Variants in RIC1 observed in about 807,000 individuals in gnomAD.
The protein encoded by RIC1 is RIC1 partner of RAB6A GEF complex.
In RIC1, 88 loss-of-function variants were observed where a neutral mutation model predicts 169.0. The observed-to-expected ratio is 0.52, with a 90% CI of 0.44 to 0.62. The LOEUF is 0.62. RIC1 is among the 20% of genes least tolerant of loss of function. RIC1 has a pLI of 0.00. For synonymous variants in RIC1, 790 were observed against 601.5 expected (o/e 1.31, Z -4.59); for missense variants, 1,877 against 1,725.5 (o/e 1.09, Z -1.56).
intron 4 of RIC1, among the ~76,000 whole-genome samples, chr9:5,717,768 C>T (rs1057335046): frequency 8.6e-5 from 13 of 151,096 alleles, no homozygotes; most frequent in Middle Eastern, 3.4e-3. Flanking sequence ...TCCCGGGAGG[C>T]GGAGGTTTCA....
chr9:5,767,447 C>G (rs1826854934), intron 21 of RIC1, among the ~76,000 whole-genome samples: 1 of 150,876 alleles, frequency 6.6e-6, no homozygotes, highest in Non-Finnish European at 1.5e-5. Flanking sequence ...TTTTTCCTTA[C>G]CTAATCCTTT....
intron 6 of RIC1, among the ~76,000 whole-genome samples, chr9:5,725,903 T>G (rs1327712020): frequency 6.6e-6 from 1 of 152,236 alleles, no homozygotes; most frequent in East Asian, 1.9e-4. Flanking sequence ...TCTAGTTTGA[T>G]TGCACTGTGG....
intron 12 of RIC1, among the ~76,000 whole-genome samples, chr9:5,752,329 CAT>C (rs983966089): frequency 2.6e-5 from 4 of 151,942 alleles, no homozygotes; most frequent in Non-Finnish European, 4.4e-5. Flanking sequence ...CTTTCATGTA[CAT>C]ATATATATGT....
chr9:5,675,133 G>T (rs529702937), intron 2 of RIC1, among the ~76,000 whole-genome samples: 90 of 152,296 alleles, frequency 5.9e-4, no homozygotes, highest in African/African-American at 2.0e-3. Context: ...CTGCTGTGTC[G>T]TTCCCCTCTT....
At chr9:5,681,539 T>A (rs1204577835) in intron 2 of RIC1, among the ~76,000 whole-genome samples, 1 of 152,246 alleles carries the variant, frequency 6.6e-6, no homozygotes, top group Non-Finnish European at 1.5e-5. Context: ...CTTTTACATT[T>A]GCTGAGGAGT....
chr9:5,662,630 G>A (rs143971765), intron 2 of RIC1, among the ~76,000 whole-genome samples: 1 of 152,234 alleles, frequency 6.6e-6, no homozygotes, highest in African/African-American at 2.4e-5. Context: ...GTGCATTGAT[G>A]CATTTATAGT....
intron 6 of RIC1, among the ~76,000 whole-genome samples, chr9:5,725,229 T>C (rs1272159942): frequency 6.6e-6 from 1 of 152,226 alleles, no homozygotes; most frequent in Non-Finnish European, 1.5e-5. Flanking sequence ...TTGCCTCAAT[T>C]TCAGAGCCTG....
chr9:5,754,548 A>T (rs531197526), intron 14 of RIC1, among the ~76,000 whole-genome samples: 7 of 152,116 alleles, frequency 4.6e-5, no homozygotes, highest in African/African-American at 1.7e-4. Flanking sequence ...GGCCAACATG[A>T]CGAAACCCCG....
chr9:5,648,629 T>C (rs1016395297), intron 1 of RIC1, among the ~76,000 whole-genome samples: 9 of 152,220 alleles, frequency 5.9e-5, no homozygotes, highest in Non-Finnish European at 1.3e-4. Context: ...TACTAATTTA[T>C]ATTTCCACCA....
At chr9:5,652,596 T>C (rs1195799753) in intron 1 of RIC1, among the ~76,000 whole-genome samples, 1 of 152,214 alleles carries the variant, frequency 6.6e-6, no homozygotes, top group Admixed American at 6.5e-5. Flanking sequence ...TACCACTTTT[T>C]TGGTGGCATC....
chr9:5,656,459 A>G, intron 1 of RIC1, 124 bp from the exon 2 acceptor site: 1 of 509,756 alleles, frequency 2.0e-6, no homozygotes, highest in Non-Finnish European at 3.4e-6. Context: ...ATAGTTTAAT[A>G]TCAATATTGT....
At chr9:5,727,366 G>T (rs573433848) in intron 6 of RIC1, among the ~76,000 whole-genome samples, 1 of 152,104 alleles carries the variant, frequency 6.6e-6, no homozygotes, top group Non-Finnish European at 1.5e-5. Context: ...CATAGTTCTC[G>T]TGCGATGGTT....
chr9:5,696,513 G>A (rs974856083), intron 3 of RIC1, among the ~76,000 whole-genome samples: 4 of 151,796 alleles, frequency 2.6e-5, no homozygotes, highest in African/African-American at 9.7e-5. Flanking sequence ...ATCCGCCCCT[G>A]TACCCAATAA....
At chr9:5,722,346 A>AGTGTGTGTGTGT (rs1343192304) in intron 6 of RIC1, among the ~76,000 whole-genome samples, 10 of 59,212 alleles carry the variant, frequency 1.7e-4, no homozygotes, top group African/African-American at 8.2e-4. Flanking sequence ...TAAGAGAGAG[A>AGTGTGTGTGTGT]GAGTGTGTGT....
At chr9:5,722,197 T>A (rs531219424) in intron 6 of RIC1, among the ~76,000 whole-genome samples, 17 of 151,098 alleles carry the variant, frequency 1.1e-4, no homozygotes, top group African/African-American at 2.7e-4. Context: ...CCATTTCATC[T>A]TCTTCTTCTT....
At position 5,770,257 on chromosome 9, in the gene RIC1, T is replaced by C. The variant is rs751903434; in HGVS notation, c.3595T>C (p.Leu1199=). 5.0e-6 allele frequency: 8 copies of C among 1,613,304 alleles called. No homozygotes were observed. The change falls in exon 23 of 26, where the codon TTG becomes CTG. Residue 1199 remains leucine, a synonymous_variant. Coordinates refer to ENST00000414202, the MANE Select transcript of RIC1 (RefSeq NM_020829.4). ...TGGACCACAAATGCAAGATGCCTTCTTGTCACCTTTATCTAATAAAGGTAA... is the reference window on the plus strand; with the variant it reads ...TGGACCACAAATGCAAGATGCCTTCCTGTCACCTTTATCTAATAAAGGTAA... ...SHGPQMQDAF[L]SPLSNKGDEC... is the part of the protein sequence containing the mutation.
chr9:5,689,575 A>G (rs1050780281), intron 2 of RIC1, among the ~76,000 whole-genome samples: 15 of 152,214 alleles, frequency 9.9e-5, no homozygotes, highest in Admixed American at 5.9e-4. Flanking sequence ...TAAAGGTGTA[A>G]TAAAGCCATA....
intron 17 of RIC1, among the ~76,000 whole-genome samples, chr9:5,759,698 A>G (rs1320322006): frequency 6.6e-6 from 1 of 152,244 alleles, no homozygotes; most frequent in Non-Finnish European, 1.5e-5. Flanking sequence ...GCAGATGCCC[A>G]TATATTTTAG....
At chr9:5,723,919 T>C (rs959424568) in intron 6 of RIC1, among the ~76,000 whole-genome samples, 31 of 152,198 alleles carry the variant, frequency 2.0e-4, no homozygotes, top group Non-Finnish European at 3.8e-4. Context: ...TTGGTCTAGA[T>C]CTCTGTTTTG....
Sources: allele counts gnomAD v4.1 joint callset (sites outside exome capture counted in the v4.1 genomes callset), GRCh38; gene constraint gnomAD v4.1.1; transcripts MANE v1.5; gene names NCBI Gene and HGNC (gene_info 2026-07-23, HGNC 2026-07-21).